The following DNAH2 variants were observed in gnomAD, a reference collection of about 807,000 sequenced individuals.
The protein encoded by DNAH2 is axonemal beta dynein heavy chain 2.
A neutral mutation model predicts 523.5 loss-of-function variants in DNAH2; 323 were observed. The ratio of observed to expected loss-of-function variants is 0.62; its 90% CI spans 0.56 to 0.68. DNAH2 has a LOEUF of 0.68. Among genes scored for constraint, DNAH2 ranks in the 30% least tolerant of loss-of-function variants. DNAH2 has a pLI of 0.00. For missense variants in DNAH2, 4,907 were observed against 5,701.5 expected, an observed-to-expected ratio of 0.86 and a Z score of 4.49; for synonymous variants, 2,093 against 2,177.4, an observed-to-expected ratio of 0.96 and a Z score of 1.08.
At chr17:7,743,271 C>A in intron 12 of DNAH2, 129 bp downstream of exon 12, 1 of 1,048,226 alleles carries the variant, frequency 9.5e-7, no homozygotes. Context: ...TTGCTATCGT[C>A]ATTTTACTTT....
At position 7,821,185 on chromosome 17, in the gene DNAH2, T is replaced by A. The variant is rs2077842066; in HGVS notation, c.11016-58T>A. 5 of 1,581,172 alleles carry A rather than the reference T, an allele frequency of 3.2e-6. No individual in the cohort carries two copies. In the African/African-American group the frequency reaches 6.7e-5, roughly 21 times the overall value. Reference sequence around the variant, plus strand: ...TGATAGTAGCATCATAGCATTCGCATGGAGCATCAGCCCCCATTCCATGCT... The same window carrying A: ...TGATAGTAGCATCATAGCATTCGCAAGGAGCATCAGCCCCCATTCCATGCT... On this transcript the variant is annotated intron_variant, in intron 72 of 85. Coordinates refer to ENST00000572933, the MANE Select transcript of DNAH2 (RefSeq NM_020877.5). The surrounding 1 kb of genome is among the most constrained non-coding windows in gnomAD (Gnocchi z 5.0).
chr17:7,731,509 C>T (rs2074987709), intron 4 of DNAH2, among the ~76,000 whole-genome samples: 1 of 151,870 alleles, frequency 6.6e-6, no homozygotes, highest in Non-Finnish European at 1.5e-5. Context: ...TTAAAAACAG[C>T]TTGCTCCTAT....
intron 11 of DNAH2, among the ~76,000 whole-genome samples, chr17:7,741,319 C>CCT (rs1555540854): frequency 0.074 from 2,734 of 36,748 alleles, 229 homozygotes; most frequent in South Asian, 0.089. Context: ...CCCTCCCTCC[C>CCT]TCCCTCCTTC....
intron 18 of DNAH2, among the ~76,000 whole-genome samples, chr17:7,761,412 C>G (rs1243453764): frequency 6.6e-6 from 1 of 152,074 alleles, no homozygotes; most frequent in African/African-American, 2.4e-5. Flanking sequence ...GGACCACAGG[C>G]ACATGCCACC....
In DNAH2 at chr17:7,793,009, T is replaced by C. The variant is rs747952727; in HGVS notation, c.7373T>C (p.Ile2458Thr). 2 of 1,613,376 alleles carry C rather than the reference T, an allele frequency of 1.2e-6. No individual in the cohort carries two copies. The highest frequency in any genetic ancestry group is 1.7e-6 in the Non-Finnish European group (2 of 1,179,518). Residue 2458 changes from isoleucine to threonine, a missense_variant, in exon 48 of 86, where the codon ATT becomes ACT. Physicochemically the swap from Ile to Thr is moderately conservative, Grantham distance 89. Coordinates refer to ENST00000572933, the MANE Select transcript of DNAH2 (RefSeq NM_020877.5). ...ACATCCAATAACGTGCAGAGCATCATTGAGAGCAGGGTTGAGAAGCGAACC... is the reference window on the plus strand; with the variant it reads ...ACATCCAATAACGTGCAGAGCATCACTGAGAGCAGGGTTGAGAAGCGAACC... ...QTTSNNVQSI[I>T]ESRVEKRTKG...
intron 61 of DNAH2, among the ~76,000 whole-genome samples, chr17:7,806,780 A>G (rs1410784736): frequency 6.6e-6 from 1 of 151,680 alleles, no homozygotes; most frequent in Non-Finnish European, 1.5e-5. Flanking sequence ...TCTGTGTTCC[A>G]TTCTTGTGGT....
rs1219559400 is a variant in DNAH2, at chr17:7,824,672, A to G, written c.11798A>G (p.Asp3933Gly). ...TGGCTCAGCTCCATCCCCCACCCAG[A>G]CTTCCCTATCTCAATCTTGCAGGTC... ...RLWLSSIPHP[D>G]FPISILQVSI... Residue 3933 changes from aspartate to glycine, a missense_variant, in exon 77 of 86, where the codon GAC becomes GGC. Asp to Gly is a moderately conservative substitution (Grantham distance 94). This residue lies in a region of DNAH2 where 1,851 missense variants were observed against 2,139.4 expected (regional missense o/e 0.87). Transcript: ENST00000572933. 1 of 1,604,580 alleles carries G rather than the reference A, an allele frequency of 6.2e-7. No individual in the cohort carries two copies. Among genetic ancestry groups the G allele is most frequent in the Non-Finnish European group, 8.5e-7 (1 of 1,174,120 alleles).
intron 12 of DNAH2, among the ~76,000 whole-genome samples, chr17:7,748,617 T>A (rs569754117): frequency 9.9e-5 from 15 of 152,090 alleles, no homozygotes; most frequent in Non-Finnish European, 1.9e-4. Flanking sequence ...CACCTCAGCT[T>A]CCTGAGTACT....
chr17:7,796,741 C>A (rs2077074631), intron 50 of DNAH2, 89 bp downstream of exon 50: 5 of 1,419,484 alleles, frequency 3.5e-6, no homozygotes, highest in Admixed American at 2.3e-5. Context: ...CACTCACTAG[C>A]ATGCGCACCA....
In DNAH2 at chr17:7,817,710, G is replaced by A; in HGVS notation, c.10169+1G>A. ...GCATCATCGTCACCCGAGGCAACAG[G>A]TGAGGGTGCTGCTGGGCGTGGGGGC... On this transcript the variant is annotated splice_donor_variant, in intron 66 of 85. Coordinates refer to ENST00000572933, the MANE Select transcript of DNAH2 (RefSeq NM_020877.5). LOFTEE classifies it high-confidence loss of function. The A allele has an allele frequency of 1.9e-6, 3 of 1,614,184 alleles. No homozygotes were observed. The highest frequency in any genetic ancestry group is 2.2e-5 in the East Asian group (1 of 44,878).
At position 7,757,251 on chromosome 17, in the gene DNAH2, C is replaced by A. The variant is rs2075869689; in HGVS notation, c.2051+14C>A. ...AGACTACAATAGGTAGGGCTTCAGT[C>A]CTCACTGCAGCCCTTCAAGATGCTA... On this transcript the variant is annotated intron_variant, in intron 13 of 85. Transcript: ENST00000572933. The A allele has an allele frequency of 2.5e-6, 4 of 1,613,184 alleles. No homozygotes were observed. Among genetic ancestry groups the A allele is most frequent in the Non-Finnish European group, 3.4e-6 (4 of 1,179,268 alleles).
In DNAH2 at chr17:7,768,028, T is replaced by C. The variant is rs1693584487; in HGVS notation, c.3804T>C (p.Phe1268=). ...TGGAGACCACGGCCCACGGGCTGTT[T>C]CGTCGCCTCACAAAATTAGCCAAAG... ...ETMETTAHGL[F]RRLTKLAKEY... is the part of the protein sequence containing the mutation. Residue 1268 remains phenylalanine, a synonymous_variant, in exon 23 of 86, where the codon TTT becomes TTC. Coordinates refer to ENST00000572933, the MANE Select transcript of DNAH2 (RefSeq NM_020877.5). 6.2e-7 allele frequency: 1 copy of C among 1,613,992 alleles called. No individual in the cohort carries two copies. Among genetic ancestry groups the C allele is most frequent in the African/African-American group, 1.3e-5 (1 of 74,880 alleles).
chr17:7,791,416 C>T (rs1205268276), intron 44 of DNAH2, among the ~76,000 whole-genome samples: 1 of 152,108 alleles, frequency 6.6e-6, no homozygotes, highest in Non-Finnish European at 1.5e-5. Context: ...CTATATACTG[C>T]AACATGTCCG....
intron 29 of DNAH2, 52 bp from the exon 30 acceptor site, chr17:7,775,189 C>T (rs893595567): frequency 4.1e-5 from 64 of 1,569,916 alleles, no homozygotes; most frequent in Non-Finnish European, 5.2e-5. Context: ...GACTTCTAGG[C>T]GGACACCAAG....
At position 7,733,073 on chromosome 17, in the gene DNAH2, T is replaced by G. The variant is rs375467657; in HGVS notation, c.400-14T>G. 4.3e-6 allele frequency: 7 copies of G among 1,613,358 alleles called. No homozygotes were observed. Among genetic ancestry groups the G allele is most frequent in the Non-Finnish European group, 5.9e-6 (7 of 1,179,672 alleles). On this transcript the variant is annotated splice_polypyrimidine_tract_variant and intron_variant, in intron 4 of 85. Transcript: ENST00000572933. ...GCCTGGAGACTGAACTCTGATCTGCTGTCTTCCATGCAGACCCAGAACCAG... is the reference window on the plus strand; with the variant it reads ...GCCTGGAGACTGAACTCTGATCTGCGGTCTTCCATGCAGACCCAGAACCAG...
Position 7,798,398 on chromosome 17 carries a change from G to C in DNAH2, c.8398+74G>C. ...ATTCCTGCAGTGACAAGAGAGGAGA[G>C]ATGGCAGCCAGATGGGCAGACGTGT... is the stretch of plus-strand genomic sequence containing the variant. On this transcript the variant is annotated intron_variant, in intron 54 of 85. Transcript: ENST00000572933. The surrounding 1 kb of genome is among the most constrained non-coding windows in gnomAD (Gnocchi z 5.5). 6.5e-7 allele frequency: 1 copy of C among 1,548,366 alleles called. No individual in the cohort carries two copies. Among genetic ancestry groups the C allele is most frequent in the Non-Finnish European group, 8.7e-7 (1 of 1,145,696 alleles).
intron 11 of DNAH2, 72 bp from the exon 12 acceptor site, chr17:7,742,856 G>T (rs1035613702): frequency 1.3e-5 from 15 of 1,126,780 alleles, no homozygotes; most frequent in South Asian, 5.7e-5. Context: ...GCATGTGTAG[G>T]TCTCAGGGAG....
At chr17:7,802,210 C>T (rs2077242578) in intron 58 of DNAH2, among the ~76,000 whole-genome samples, 193 bp downstream of exon 58, 1 of 152,194 alleles carries the variant, frequency 6.6e-6, no homozygotes. Context: ...CCCCCTCAGC[C>T]GCTCTCCACA....
chr17:7,813,643 C>G (rs1597742554), intron 63 of DNAH2, among the ~76,000 whole-genome samples: 1 of 152,164 alleles, frequency 6.6e-6, no homozygotes, highest in African/African-American at 2.4e-5. Flanking sequence ...CCCAGTGGCT[C>G]ATGCCTGTAA....
Sources: allele counts gnomAD v4.1 joint callset (sites outside exome capture counted in the v4.1 genomes callset), GRCh38; gene constraint gnomAD v4.1.1; regional missense constraint gnomAD v4.1.1; non-coding constraint Gnocchi (gnomAD v3.1); transcripts MANE v1.5; gene names NCBI Gene and HGNC (gene_info 2026-07-23, HGNC 2026-07-21).